ST8SIA1: variants seen among roughly 807,000 people sequenced by gnomAD.
The protein encoded by ST8SIA1 is ST8 alpha-N-acetyl-neuraminide alpha-2,8-sialyltransferase 1, also known as alpha-N-acetylneuraminide alpha-2,8-sialyltransferase.
ST8SIA1 carries 16 observed loss-of-function variants against 35.9 expected under a neutral mutation model. The ratio of observed to expected loss-of-function variants is 0.45; its 90% CI spans 0.30 to 0.68. The LOEUF (loss-of-function observed/expected upper bound fraction) is 0.68. ST8SIA1 is among the 30% of genes least tolerant of loss of function. The pLI, the probability that ST8SIA1 is intolerant of heterozygous loss-of-function variation, is 0.09. For synonymous variants in ST8SIA1, 170 were observed against 169.6 expected, an observed-to-expected ratio of 1.00 and a Z score of -0.02; for missense variants, 383 against 453.6, an observed-to-expected ratio of 0.84 and a Z score of 1.41.
chr12:22,215,147 CT>C (rs1333812321), intron 4 of ST8SIA1, among the ~76,000 whole-genome samples: 1 of 152,140 alleles, frequency 6.6e-6, no homozygotes, highest in Non-Finnish European at 1.5e-5. Flanking sequence ...TTTTCCAAGT[CT>C]CCCCCAACTG....
intron 4 of ST8SIA1, among the ~76,000 whole-genome samples, chr12:22,245,328 C>T (rs1350638582): frequency 1.3e-5 from 2 of 152,054 alleles, no homozygotes; most frequent in Non-Finnish European, 1.5e-5. Flanking sequence ...ATATTTTTTC[C>T]AAAGAGGACT....
chr12:22,261,530 A>G (rs1865791863), intron 2 of ST8SIA1, among the ~76,000 whole-genome samples: 1 of 152,156 alleles, frequency 6.6e-6, no homozygotes, highest in Non-Finnish European at 1.5e-5. Flanking sequence ...TCAACACCTC[A>G]TATCTGGACT....
intron 2 of ST8SIA1, chr12:22,268,560 G>A (rs1486534543): frequency 6.6e-6 from 1 of 152,222 alleles, no homozygotes; most frequent in African/African-American, 2.4e-5. Context: ...GGCAGAAGGG[G>A]AAGCAAACAC....
At position 22,243,265 on chromosome 12, in the gene ST8SIA1, T is replaced by C. The variant is rs567701584; in HGVS notation, c.584+5741A>G. ...CAGCTATGAAAATTAGCATTTCCAC[T>C]GCACATCTCTGCCCAACAAGTTTAA... On this transcript the variant is annotated intron_variant, in intron 4 of 4. Transcript: ENST00000396037. 6.6e-4 allele frequency among the ~76,000 whole-genome samples: 101 copies of C among 152,312 alleles called. 1 individual carries two copies. The highest frequency in any genetic ancestry group is 2.4e-3 in the African/African-American group (99 of 41,574).
At chr12:22,303,846 C>CCA (rs61596419) in intron 1 of ST8SIA1, among the ~76,000 whole-genome samples, 26,275 of 140,552 alleles carry the variant, frequency 0.19, 2,658 homozygotes, top group East Asian at 0.28. Flanking sequence ...CACCACCCTG[C>CCA]CACACACACA....
intron 1 of ST8SIA1, among the ~76,000 whole-genome samples, chr12:22,319,624 G>A (rs972049218): frequency 2.6e-5 from 4 of 152,156 alleles, no homozygotes; most frequent in African/African-American, 9.7e-5. Context: ...AGCAGGGCTG[G>A]GGGAAGAGTC....
At chr12:22,304,673 A>T (rs1456251541) in intron 1 of ST8SIA1, among the ~76,000 whole-genome samples, 1 of 152,154 alleles carries the variant, frequency 6.6e-6, no homozygotes, top group East Asian at 1.9e-4. Context: ...TGTAGTTTAG[A>T]CACTCAGAAA....
intron 2 of ST8SIA1, 112 bp from the exon 3 acceptor site, chr12:22,255,501 A>G: frequency 1.2e-6 from 1 of 867,110 alleles, no homozygotes. Context: ...TGAGTCCAGC[A>G]AAAAAGAGCA....
chr12:22,226,898 G>T (rs983019060), intron 4 of ST8SIA1, among the ~76,000 whole-genome samples: 3 of 152,094 alleles, frequency 2.0e-5, no homozygotes, highest in African/African-American at 7.2e-5. Flanking sequence ...CTCTGCGAAA[G>T]CATGTTTATA....
At chr12:22,328,491 A>T (rs1490266376) in intron 1 of ST8SIA1, among the ~76,000 whole-genome samples, 1 of 152,006 alleles carries the variant, frequency 6.6e-6, no homozygotes, top group Non-Finnish European at 1.5e-5. Context: ...AGTTATTTGT[A>T]TATTTCTCTG....
rs552447511 is a variant in ST8SIA1 at position 22,206,122 on chromosome 12, T to C, written c.585-4084A>G. Among the ~76,000 whole-genome samples the C allele has an allele frequency of 5.9e-5, 9 of 152,068 alleles. No individual in the cohort carries two copies. In the South Asian group the frequency reaches 1.9e-3, roughly 32 times the overall value. On this transcript the variant is annotated intron_variant, in intron 4 of 4. Transcript: ENST00000396037. ...GAATAGAAAGGAACACAATAAAGGG[T>C]GAATAAAGCTCTCACCTCCTATGAC...
At chr12:22,248,799 A>G in intron 4 of ST8SIA1, 1 of 502,918 alleles carries the variant, frequency 2.0e-6, no homozygotes. Flanking sequence ...TAAAGGCAAG[A>G]AACAGAATCC....
At chr12:22,249,528 T>C (rs28729097) in intron 3 of ST8SIA1, among the ~76,000 whole-genome samples, 1 of 147,616 alleles carries the variant, frequency 6.8e-6, no homozygotes, top group Non-Finnish European at 1.5e-5. Context: ...CCAGTAACTG[T>C]TTTTTGTTTT....
At chr12:22,255,053 T>C (rs747929802) in intron 3 of ST8SIA1, among the ~76,000 whole-genome samples, 10 of 152,190 alleles carry the variant, frequency 6.6e-5, no homozygotes, top group Non-Finnish European at 1.2e-4. Flanking sequence ...AGAGTGGGTA[T>C]CTCTGTTCCG....
At chr12:22,243,443 T>C (rs1349914411) in intron 4 of ST8SIA1, among the ~76,000 whole-genome samples, 1 of 152,234 alleles carries the variant, frequency 6.6e-6, no homozygotes, top group Non-Finnish European at 1.5e-5. Flanking sequence ...TATTATTTCC[T>C]CCATTTTACT....
rs1006860878 is a variant in ST8SIA1, at chr12:22,307,261, T to C, written c.237-19968A>G. On this transcript the variant is annotated intron_variant, in intron 1 of 4. Coordinates refer to ENST00000396037, the MANE Select transcript of ST8SIA1 (RefSeq NM_003034.4). ...CCAAGCGCTGGGCTTCATCAGAGGTTGATCCACGGGGACTCAGCCATTTCA... is the reference window on the plus strand; with the variant it reads ...CCAAGCGCTGGGCTTCATCAGAGGTCGATCCACGGGGACTCAGCCATTTCA... 2.6e-5 allele frequency among the ~76,000 whole-genome samples: 4 copies of C among 152,160 alleles called. No homozygotes were observed. In the South Asian group the frequency reaches 6.2e-4, roughly 24 times the overall value.
In ST8SIA1 at chr12:22,195,603, T is replaced by C. The variant is rs980152121; in HGVS notation, c.*5949A>G. 1 of 152,208 alleles carries C rather than the reference T, an allele frequency of 6.6e-6. No homozygotes were observed. The highest frequency in any genetic ancestry group is 2.1e-4 in the South Asian group (1 of 4,828). The allele number at this position is 152,208 out of a possible 1,614,324, so 9.4% of individuals were successfully genotyped here. ...TCACCCAGAGAAAACTATTCATTAT[T>C]AACCATAACAGCTGGATGACAAGAT... is the stretch of plus-strand genomic sequence containing the variant. On this transcript the variant is annotated 3_prime_UTR_variant, in exon 5 of 5. Coordinates refer to ENST00000396037, the MANE Select transcript of ST8SIA1 (RefSeq NM_003034.4).
chr12:22,231,529 T>C (rs1865420230), intron 4 of ST8SIA1, among the ~76,000 whole-genome samples: 1 of 152,002 alleles, frequency 6.6e-6, no homozygotes, highest in Admixed American at 6.6e-5. Flanking sequence ...ATAAACTAAT[T>C]CTTCTACTTT....
chr12:22,196,328 G>T lies in ST8SIA1; in HGVS notation c.*5224C>A, dbSNP rs1255209423. ...TTTCCCTTACTGAAATGGTGAGCAG[G>T]GGCTGTGTTATGTTTCAATAAGCTT... On this transcript the variant is annotated 3_prime_UTR_variant, in exon 5 of 5. Transcript: ENST00000396037. 1 of 152,142 alleles carries T rather than the reference G, an allele frequency of 6.6e-6. No individual in the cohort carries two copies. The highest frequency in any genetic ancestry group is 6.5e-5 in the Admixed American group (1 of 15,274). The allele number at this position is 152,142 out of a possible 1,614,324, so 9.4% of individuals were successfully genotyped here.
Sources: gnomAD v4.1 joint callset for allele counts (sites outside exome capture counted in the v4.1 genomes callset) on GRCh38, gnomAD v4.1.1 for gene constraint, MANE v1.5 for transcripts, NCBI Gene and HGNC (gene_info 2026-07-23, HGNC 2026-07-21) for gene names.